MAGI3: variants seen among roughly 807,000 people sequenced by gnomAD.
The protein encoded by MAGI3 is membrane-associated guanylate kinase, WW and PDZ domain-containing protein 3.
Under a neutral mutation model 121.8 loss-of-function variants are expected in MAGI3, and 43 were observed. The ratio of observed to expected loss-of-function variants is 0.35; its 90% CI spans 0.28 to 0.46. The LOEUF is 0.46. Ranked by LOEUF, MAGI3 falls within the 20% of genes least tolerant of loss-of-function variation. The pLI, the probability that MAGI3 is intolerant of heterozygous loss-of-function variation, is 1.00. For synonymous variants in MAGI3, 553 were observed against 639.3 expected, an observed-to-expected ratio of 0.86 and a Z score of 2.04; for missense variants, 1,547 against 1,797.3, an observed-to-expected ratio of 0.86 and a Z score of 2.52.
intron 1 of MAGI3, among the ~76,000 whole-genome samples, chr1:113,448,612 G>A (rs570142694): frequency 3.3e-5 from 5 of 152,118 alleles, no homozygotes; most frequent in Admixed American, 2.6e-4. Context: ...CTTCCTGTAG[G>A]TAACCCTAAT....
chr1:113,620,544 A>G lies in MAGI3; in HGVS notation c.1171+714A>G, dbSNP rs146900614. Among the ~76,000 whole-genome samples, 849 of 152,314 alleles carry G rather than the reference A, an allele frequency of 5.6e-3. 8 individuals carry two copies. Among genetic ancestry groups the G allele is most frequent in the Non-Finnish European group, 7.3e-3 (498 of 68,016 alleles). ...AGTTCTTTCTTATAGTTACTCTTCA[A>G]AAACATCGTCCTCCTCCTAAAGTTC... On this transcript the variant is annotated intron_variant, in intron 8 of 20. Coordinates refer to ENST00000307546, the MANE Select transcript of MAGI3 (RefSeq NM_001142782.2).
chr1:113,550,757 C>CAA (rs375232110), intron 2 of MAGI3, among the ~76,000 whole-genome samples: 4 of 108,184 alleles, frequency 3.7e-5, no homozygotes, highest in Admixed American at 9.9e-5. Context: ...ACCCTCAACT[C>CAA]AAAAAAAAAA....
chr1:113,409,379 T>A (rs1651855391), intron 1 of MAGI3, among the ~76,000 whole-genome samples: 1 of 152,034 alleles, frequency 6.6e-6, no homozygotes, highest in Admixed American at 6.6e-5. Flanking sequence ...GTGTGGTGGT[T>A]CACACCTTTA....
At chr1:113,595,886 C>T (rs747676534) in intron 6 of MAGI3, among the ~76,000 whole-genome samples, 3 of 152,022 alleles carry the variant, frequency 2.0e-5, no homozygotes, top group African/African-American at 4.8e-5. Flanking sequence ...CAAAAACTCA[C>T]TGGGTGTGGT....
chr1:113,663,947 G>A (rs1012621199), intron 16 of MAGI3, among the ~76,000 whole-genome samples: 1 of 152,188 alleles, frequency 6.6e-6, no homozygotes, highest in Non-Finnish European at 1.5e-5. Context: ...TTTTGCTGAT[G>A]AGTAATGATG....
At position 113,636,984 on chromosome 1, in the gene MAGI3, G is replaced by A. The variant is rs1223652444; in HGVS notation, c.1361-4927G>A. ...ATTGATCCCTTTACCATTATGTAAT[G>A]GCCTTCTTTGTCTCTTTTGATCTTT... is the stretch of plus-strand genomic sequence containing the variant. On this transcript the variant is annotated intron_variant, in intron 9 of 20. Transcript: ENST00000307546. Among the ~76,000 whole-genome samples, 7 of 152,182 alleles carry A rather than the reference G, an allele frequency of 4.6e-5. No individual in the cohort carries two copies. In the East Asian group the frequency reaches 7.7e-4, roughly 17 times the overall value.
intron 1 of MAGI3, among the ~76,000 whole-genome samples, chr1:113,410,380 TACTAACC>T (rs576943307): frequency 4.7e-4 from 72 of 152,190 alleles, no homozygotes; most frequent in Non-Finnish European, 8.5e-4. Context: ...AAAAAATTGC[TACTAACC>T]ATTTACCACC....
In MAGI3 at chr1:113,622,873, G is replaced by GA. The variant is rs1471584324; in HGVS notation, c.1246dup (p.Ser416LysfsTer14). On this transcript the variant is annotated frameshift_variant, in exon 9 of 21. Transcript: ENST00000307546. LOFTEE classifies it high-confidence loss of function. ...AAGGTGTCCTTGTTCGAGCATCACT[G>GA]AAAAAAAGCACAATGGGATTTGGTT... 2.5e-6 allele frequency: 4 copies of GA among 1,600,382 alleles called. No individual in the cohort carries two copies. Among genetic ancestry groups the GA allele is most frequent in the East Asian group, 2.3e-5 (1 of 43,852 alleles).
chr1:113,505,543 T>TAAAA (rs1553193291), intron 1 of MAGI3, among the ~76,000 whole-genome samples: 1 of 148,916 alleles, frequency 6.7e-6, no homozygotes, highest in Non-Finnish European at 1.5e-5. Flanking sequence ...AATAAATAAA[T>TAAAA]AAATAAATAA....
At chr1:113,397,721 T>C (rs11102624) in intron 1 of MAGI3, among the ~76,000 whole-genome samples, 3,670 of 152,264 alleles carry the variant, frequency 0.024, 168 homozygotes, top group African/African-American at 0.084. Context: ...AAATGTGTTA[T>C]CTCCTCGAAA....
intron 1 of MAGI3, among the ~76,000 whole-genome samples, chr1:113,536,671 T>A (rs1659020057): frequency 6.6e-6 from 1 of 152,090 alleles, no homozygotes; most frequent in African/African-American, 2.4e-5. Flanking sequence ...CTTGAAGCAA[T>A]TGTTGTTGGT....
At chr1:113,586,305 T>G (rs1006405557) in intron 4 of MAGI3, among the ~76,000 whole-genome samples, 1 of 152,194 alleles carries the variant, frequency 6.6e-6, no homozygotes, top group Non-Finnish European at 1.5e-5. Context: ...TTTCCTTTTT[T>G]TATGTACTGT....
intron 1 of MAGI3, among the ~76,000 whole-genome samples, chr1:113,462,210 G>C (rs1655069956): frequency 6.6e-6 from 1 of 152,050 alleles, no homozygotes; most frequent in South Asian, 2.1e-4. Flanking sequence ...CCCATTACTG[G>C]GTATATACCC....
intron 1 of MAGI3, among the ~76,000 whole-genome samples, chr1:113,487,536 A>AG (rs1656443940): frequency 1.3e-5 from 2 of 152,196 alleles, no homozygotes; most frequent in African/African-American, 4.8e-5. Flanking sequence ...AACACTAGGC[A>AG]TAAATGTATT....
chr1:113,398,057 C>A (rs1485626278), intron 1 of MAGI3, among the ~76,000 whole-genome samples: 1 of 152,154 alleles, frequency 6.6e-6, no homozygotes, highest in African/African-American at 2.4e-5. Flanking sequence ...TATCCTGATG[C>A]AGCCACTCAG....
rs759591213 is a variant in MAGI3, at chr1:113,437,806, T to TTTCTTCTTC, written c.316+46506_316+46514dup. ...CTTCTTCTTCCTTCTTCTTTCTTCT[T>TTTCTTCTTC]TTCTTCTTCTTCTTCTTCTTCTTCT... On this transcript the variant is annotated intron_variant, in intron 1 of 20. Transcript: ENST00000307546. Among the ~76,000 whole-genome samples, 137 of 119,572 alleles carry TTTCTTCTTC rather than the reference T, an allele frequency of 1.1e-3. 6 individuals are homozygous for TTTCTTCTTC. Among genetic ancestry groups the TTTCTTCTTC allele is most frequent in the South Asian group, 3.7e-3 (12 of 3,216 alleles). 78.4% of individuals were successfully genotyped at this position (119,572 alleles called of 152,430 possible).
intron 9 of MAGI3, among the ~76,000 whole-genome samples, chr1:113,623,495 T>C (rs1650998775): frequency 2.8e-5 from 4 of 142,650 alleles, no homozygotes; most frequent in Non-Finnish European, 3.0e-5. Flanking sequence ...CACATATATA[T>C]ATTTTTTTTT....
At chr1:113,435,552 A>G (rs1403217932) in intron 1 of MAGI3, among the ~76,000 whole-genome samples, 2 of 152,116 alleles carry the variant, frequency 1.3e-5, no homozygotes, top group Admixed American at 1.3e-4. Flanking sequence ...TCTTCTTAAT[A>G]TGTTATGTCA....
intron 6 of MAGI3, among the ~76,000 whole-genome samples, chr1:113,595,904 G>A (rs545434004): frequency 1.2e-4 from 18 of 152,154 alleles, no homozygotes; most frequent in East Asian, 5.8e-4. Context: ...GGTAGCATGC[G>A]CCTGTAGACC....
Sources: gnomAD v4.1 joint callset for allele counts (sites outside exome capture counted in the v4.1 genomes callset) on GRCh38, gnomAD v4.1.1 for gene constraint, MANE v1.5 for transcripts, NCBI Gene and HGNC (gene_info 2026-07-23, HGNC 2026-07-21) for gene names.